The following TENM3 variants were observed in gnomAD, a reference collection of about 807,000 sequenced individuals.
TENM3 encodes the protein teneurin-3.
In TENM3, 63 loss-of-function variants were observed where a neutral mutation model predicts 255.1. The ratio of observed to expected loss-of-function variants is 0.25; its 90% confidence interval spans 0.20 to 0.30. TENM3 has a LOEUF of 0.30. Ranked by LOEUF, TENM3 falls within the 10% of genes least tolerant of loss-of-function variation. The pLI is 1.00. For synonymous variants in TENM3, 1,306 were observed against 1,322.3 expected (o/e 0.99, Z 0.27); for missense variants, 2,929 against 3,461.1 (o/e 0.85, Z 3.86).
chr4:181,919,660 G>A, the TENM3 span, among the ~76,000 whole-genome samples: 4 of 152,000 alleles, frequency 2.6e-5, no homozygotes, highest in Admixed American at 2.0e-4. Context: ...ATCAGATGAA[G>A]TGACACAATC....
the TENM3 span, among the ~76,000 whole-genome samples, chr4:181,652,958 T>A: frequency 3.2e-3 from 492 of 152,288 alleles, no homozygotes; most frequent in Non-Finnish European, 5.3e-3. Context: ...AGATCTTACT[T>A]CATTGGATTG....
intron 3 of TENM3, among the ~76,000 whole-genome samples, chr4:182,566,581 T>A (rs2151995692): frequency 6.6e-6 from 1 of 152,336 alleles, no homozygotes; most frequent in African/African-American, 2.4e-5. Context: ...GTGTTTATTG[T>A]TTCTCTCTTC....
At chr4:181,569,616 A>G in the TENM3 span, among the ~76,000 whole-genome samples, 1 of 152,286 alleles carries the variant, frequency 6.6e-6, no homozygotes, top group Admixed American at 6.5e-5. Flanking sequence ...TGAAAGGTGT[A>G]CTAACCCTGT....
chr4:182,021,392 C>T, the TENM3 span, among the ~76,000 whole-genome samples: 1 of 152,182 alleles, frequency 6.6e-6, no homozygotes, highest in Non-Finnish European at 1.5e-5. Context: ...ATCACAGCCT[C>T]CCATCCTGGG....
In TENM3 at chr4:182,228,466, TA is replaced by T. The variant is rs556663016; in HGVS notation, c.-76+83717del. ...GTTGGAAATTGGACAACTGAGTCAT[TA>T]AAAATAGGTATTTTCCCTTCACATC... On this transcript the variant is annotated intron_variant, in intron 1 of 2. Coordinates refer to the TENM3 transcript ENST00000512480. 2.9e-3 allele frequency among the ~76,000 whole-genome samples: 426 copies of T among 148,854 alleles called. 8 individuals are homozygous for T. Among genetic ancestry groups the T allele is most frequent in the African/African-American group, 9.9e-3 (395 of 39,866 alleles).
intron 2 of TENM3, among the ~76,000 whole-genome samples, chr4:182,328,545 C>T (rs1034444056): frequency 1.9e-5 from 2 of 107,988 alleles, no homozygotes; most frequent in South Asian, 3.0e-4. Flanking sequence ...TGAAAAACAC[C>T]GTGATATCTA....
chr4:182,700,442 G>A (rs1757763459), intron 12 of TENM3, among the ~76,000 whole-genome samples: 1 of 152,102 alleles, frequency 6.6e-6, no homozygotes, highest in Admixed American at 6.5e-5. Flanking sequence ...GTTTGGTTGT[G>A]GTGTCTGTCC....
In TENM3 at chr4:182,719,238, GTTCTTTTTTTT is replaced by G. The variant is rs775584896; in HGVS notation, c.2368+5019_2368+5029del. Among the ~76,000 whole-genome samples the G allele has an allele frequency of 1.8e-4, 23 of 125,042 alleles. 1 individual carries two copies. The East Asian group carries it at 4.4e-3, about 24-fold the overall frequency. 82.0% of individuals were successfully genotyped at this position (125,042 alleles called of 152,430 possible). A position where few individuals can be genotyped will look rare whatever the true frequency, so the allele number is the denominator to read the frequency against. On this transcript the variant is annotated intron_variant, in intron 13 of 27. Coordinates refer to ENST00000511685, the MANE Select transcript of TENM3 (RefSeq NM_001080477.4). ...TAATACATATTACCAGTAAAATAGA[GTTCTTTTTTTT>G]TTCTTTTTTTTTTTTTTTTTTTTTT...
At chr4:182,604,440 T>C (rs1449301753) in intron 4 of TENM3, among the ~76,000 whole-genome samples, 3 of 152,260 alleles carry the variant, frequency 2.0e-5, no homozygotes, top group African/African-American at 4.8e-5. Context: ...TTATTCACTT[T>C]TAGGGCATTG....
At chr4:182,775,229 C>T in intron 24 of TENM3, 76 bp downstream of exon 24, 1 of 1,276,938 alleles carries the variant, frequency 7.8e-7, no homozygotes. Context: ...CAGGTTGCGT[C>T]TCCTGCTCAC....
At chr4:181,640,082 G>A in the TENM3 span, among the ~76,000 whole-genome samples, 5 of 152,228 alleles carry the variant, frequency 3.3e-5, no homozygotes, top group Non-Finnish European at 7.3e-5. Context: ...AGGAGAAGCT[G>A]AAGACAGTTG....
At chr4:181,488,501 A>AT in the TENM3 span, among the ~76,000 whole-genome samples, 5 of 152,062 alleles carry the variant, frequency 3.3e-5, no homozygotes, top group South Asian at 1.0e-3. Context: ...TTATAATTTG[A>AT]TTTTGAATTG....
the TENM3 span, among the ~76,000 whole-genome samples, chr4:182,102,527 T>A: frequency 6.6e-6 from 1 of 152,194 alleles, no homozygotes; most frequent in East Asian, 1.9e-4. Flanking sequence ...AGGAATTTAA[T>A]CTCATCTTAT....
chr4:182,596,852 G>A (rs1380728155), intron 3 of TENM3, among the ~76,000 whole-genome samples: 9 of 152,126 alleles, frequency 5.9e-5, no homozygotes, highest in Admixed American at 3.3e-4. Flanking sequence ...GACTATGTGA[G>A]GTCTGATTGT....
chr4:181,735,162 C>A, the TENM3 span, among the ~76,000 whole-genome samples: 1 of 152,028 alleles, frequency 6.6e-6, no homozygotes, highest in Admixed American at 6.6e-5. Flanking sequence ...TCTACAGTTA[C>A]ACTAACTGCC....
At chr4:182,112,336 C>A in the TENM3 span, among the ~76,000 whole-genome samples, 1 of 152,274 alleles carries the variant, frequency 6.6e-6, no homozygotes, top group Admixed American at 6.5e-5. Context: ...GACCGTTTTC[C>A]CTCCCCTCAT....
At chr4:181,839,294 T>G in the TENM3 span, among the ~76,000 whole-genome samples, 1 of 146,672 alleles carries the variant, frequency 6.8e-6, no homozygotes, top group East Asian at 2.0e-4. Flanking sequence ...TGTTAGCTTT[T>G]ATATCTTCTC....
At chr4:182,341,490 T>C (rs1561341771) in intron 2 of TENM3, among the ~76,000 whole-genome samples, 1 of 152,180 alleles carries the variant, frequency 6.6e-6, no homozygotes, top group African/African-American at 2.4e-5. Flanking sequence ...TTAAAATATA[T>C]ACAAACGAGC....
chr4:181,643,896 G>A, the TENM3 span, among the ~76,000 whole-genome samples: 7 of 152,098 alleles, frequency 4.6e-5, no homozygotes, highest in East Asian at 1.4e-3. Flanking sequence ...GGCCAACACG[G>A]TGAAACCTCA....
Sources: allele counts gnomAD v4.1 joint callset (sites outside exome capture counted in the v4.1 genomes callset), GRCh38; gene constraint gnomAD v4.1.1; transcripts MANE v1.5; gene names NCBI Gene and HGNC (gene_info 2026-07-23, HGNC 2026-07-21).